VPS45: variants seen among roughly 807,000 people sequenced by gnomAD.
The protein encoded by VPS45 is vacuolar protein sorting 45 homolog, also known as vacuolar protein sorting-associated protein 45.
Under a neutral mutation model 75.9 loss-of-function variants are expected in VPS45, and 35 were observed. The ratio of observed to expected loss-of-function variants is 0.46; its 90% CI spans 0.35 to 0.61. VPS45 has a LOEUF of 0.61. Ranked by LOEUF, VPS45 falls within the 20% of genes least tolerant of loss-of-function variation. VPS45 has a pLI of 0.00. For missense variants in VPS45, 559 were observed against 685.9 expected, an observed-to-expected ratio of 0.81 and a Z score of 2.07; for synonymous variants, 220 against 238.2, an observed-to-expected ratio of 0.92 and a Z score of 0.70.
chr1:150,088,845 A>AT (rs1233044611), intron 10 of VPS45, among the ~76,000 whole-genome samples: 1 of 152,170 alleles, frequency 6.6e-6, no homozygotes, highest in Non-Finnish European at 1.5e-5. Context: ...TATCTTGGCT[A>AT]TTTTGAATAG....
intron 10 of VPS45, among the ~76,000 whole-genome samples, chr1:150,085,301 A>G (rs1229883742): frequency 6.6e-6 from 1 of 152,110 alleles, no homozygotes; most frequent in Non-Finnish European, 1.5e-5. Context: ...ATCACTAGCC[A>G]GTTTTACTGT....
chr1:150,135,629 T>C (rs1335323905), intron 14 of VPS45, among the ~76,000 whole-genome samples: 1 of 151,758 alleles, frequency 6.6e-6, no homozygotes, highest in Non-Finnish European at 1.5e-5. Flanking sequence ...TATACCAATC[T>C]GGACTACACC....
At chr1:150,076,066 A>G (rs1254409403) in intron 3 of VPS45, among the ~76,000 whole-genome samples, 167 bp from the exon 4 acceptor site, 2 of 143,662 alleles carry the variant, frequency 1.4e-5, no homozygotes, top group African/African-American at 5.2e-5. Flanking sequence ...CTTTTAAAAT[A>G]TATATATATA....
intron 10 of VPS45, among the ~76,000 whole-genome samples, chr1:150,086,126 T>C (rs1571839754): frequency 6.6e-6 from 1 of 152,110 alleles, no homozygotes; most frequent in Non-Finnish European, 1.5e-5. Flanking sequence ...AATAAATATT[T>C]ATTAGAAAAA....
chr1:150,072,672 A>AAAAT (rs1198741898), intron 3 of VPS45, among the ~76,000 whole-genome samples: 29,955 of 142,480 alleles, frequency 0.21, 4,547 homozygotes, highest in African/African-American at 0.38. Context: ...AAAAAAAAAT[A>AAAAT]CTTTTGACCA....
chr1:150,071,816 A>G (rs1223693719), intron 2 of VPS45, among the ~76,000 whole-genome samples: 4 of 151,952 alleles, frequency 2.6e-5, no homozygotes, highest in Non-Finnish European at 5.9e-5. Context: ...TTTTGAGCAA[A>G]TGAATACAAT....
intron 14 of VPS45, among the ~76,000 whole-genome samples, chr1:150,112,735 A>C (rs1473780673): frequency 6.6e-6 from 1 of 152,210 alleles, no homozygotes; most frequent in East Asian, 1.9e-4. Context: ...CACAAGTTCC[A>C]GACCACCCGT....
intron 10 of VPS45, among the ~76,000 whole-genome samples, chr1:150,084,033 G>T (rs1553800122): frequency 6.6e-6 from 1 of 152,158 alleles, no homozygotes; most frequent in Admixed American, 6.5e-5. Flanking sequence ...ATTAGGAACA[G>T]TTCTTAGAGA....
At position 150,068,708 on chromosome 1, in the gene VPS45, C is replaced by T; in HGVS notation, c.172C>T (p.Gln58Ter). ...GTACCTCTTTGAACGCATTGATTCT[C>T]AAAATCGAGAGATCATGAAACACCT... is the stretch of plus-strand genomic sequence containing the variant. ...EVYLFERIDSQNREIMKHLKA... is the reference protein window; with the variant it reads ...EVYLFERIDS Residue 58 changes from glutamine (Q) to a stop codon, truncating the protein, a stop_gained, in exon 2 of 15, where the codon CAA becomes TAA. Coordinates refer to ENST00000644510, the MANE Select transcript of VPS45 (RefSeq NM_007259.5). LOFTEE classifies it high-confidence loss of function. 1 of 1,613,314 alleles carries T rather than the reference C, an allele frequency of 6.2e-7. No individual in the cohort carries two copies. Among genetic ancestry groups the T allele is most frequent in the Non-Finnish European group, 8.5e-7 (1 of 1,179,616 alleles).
chr1:150,113,246 G>A (rs927077394), intron 14 of VPS45, among the ~76,000 whole-genome samples: 3 of 151,686 alleles, frequency 2.0e-5, no homozygotes, highest in Non-Finnish European at 4.4e-5. Context: ...AGACACTCCC[G>A]TCACCCTCAG....
chr1:150,111,507 C>A (rs1553807169), intron 14 of VPS45, among the ~76,000 whole-genome samples: 1 of 152,012 alleles, frequency 6.6e-6, no homozygotes, highest in Non-Finnish European at 1.5e-5. Flanking sequence ...GTAGTGATTA[C>A]AAGAAACTCA....
At chr1:150,069,622 A>AC (rs1421096004) in intron 2 of VPS45, among the ~76,000 whole-genome samples, 3 of 3,208 alleles carry the variant, frequency 9.4e-4, no homozygotes, top group African/African-American at 1.2e-3. Context: ...ACGCCCGGCT[A>AC]ATTTTTTGTA....
At chr1:150,127,756 AT>A (rs1201692731) in intron 14 of VPS45, among the ~76,000 whole-genome samples, 2 of 152,214 alleles carry the variant, frequency 1.3e-5, no homozygotes, top group Non-Finnish European at 2.9e-5. Flanking sequence ...TTGAAATAAT[AT>A]TTTGGAATAT....
At chr1:150,131,156 G>A (rs1232572247) in intron 14 of VPS45, among the ~76,000 whole-genome samples, 1 of 152,126 alleles carries the variant, frequency 6.6e-6, no homozygotes, top group African/African-American at 2.4e-5. Flanking sequence ...ATAATAGTGT[G>A]TTTATATCTT....
intron 3 of VPS45, 43 bp downstream of exon 3, chr1:150,072,269 C>A: frequency 7.0e-7 from 1 of 1,429,964 alleles, no homozygotes; most frequent in African/African-American, 1.4e-5. Context: ...AACAACATCC[C>A]AGTTAGTGTG....
chr1:150,111,047 A>T (rs1657624570), intron 14 of VPS45, among the ~76,000 whole-genome samples: 1 of 152,226 alleles, frequency 6.6e-6, no homozygotes, highest in South Asian at 2.1e-4. Context: ...GAGTTTTTCT[A>T]TTTTGTTGAT....
intron 14 of VPS45, among the ~76,000 whole-genome samples, chr1:150,132,643 C>A (rs1320430984): frequency 6.6e-6 from 1 of 152,176 alleles, no homozygotes; most frequent in Non-Finnish European, 1.5e-5. Context: ...CTAAGTGGAA[C>A]CTGTTACTTA....
At chr1:150,090,680 C>T (rs1656278935) in intron 10 of VPS45, among the ~76,000 whole-genome samples, 1 of 152,150 alleles carries the variant, frequency 6.6e-6, no homozygotes, top group Admixed American at 6.5e-5. Flanking sequence ...CAGCCTTATT[C>T]CTGGGGCTCA....
intron 13 of VPS45, among the ~76,000 whole-genome samples, chr1:150,095,811 T>C (rs1191118048): frequency 1.3e-5 from 2 of 152,046 alleles, no homozygotes; most frequent in African/African-American, 4.8e-5. Context: ...ACATCGGTTC[T>C]CGAAGACCCT....
Sources: gnomAD v4.1 joint callset for allele counts (sites outside exome capture counted in the v4.1 genomes callset) on GRCh38, gnomAD v4.1.1 for gene constraint, MANE v1.5 for transcripts, NCBI Gene and HGNC (gene_info 2026-07-23, HGNC 2026-07-21) for gene names.